Variants in DLC1 observed in about 807,000 individuals in gnomAD.
The protein encoded by DLC1 is rho GTPase-activating protein 7.
Under a neutral mutation model 140.3 loss-of-function variants are expected in DLC1, and 54 were observed. The observed-to-expected ratio is 0.38, with a 90% CI of 0.31 to 0.48. DLC1 has a LOEUF of 0.48. Ranked by LOEUF, DLC1 falls within the 20% of genes least tolerant of loss-of-function variation. DLC1 has a pLI of 0.96. For missense variants in DLC1, 2,536 were observed against 1,907.0 expected (o/e 1.33, Z -6.14); for synonymous variants, 986 against 728.1 (o/e 1.35, Z -5.70).
At position 13,564,570 on chromosome 8, in the gene DLC1, A is replaced by G. The variant is rs140576129; in HGVS notation, c.-126+39967T>C. 3.9e-3 allele frequency among the ~76,000 whole-genome samples: 595 copies of G among 152,290 alleles called. 2 individuals are homozygous for G. The highest frequency in any genetic ancestry group is 6.7e-3 in the Non-Finnish European group (455 of 68,024). ...AGGAAGAGGTACCTGCCAAATGCCA[A>G]CTCATCATGGAAACGTTTATGATAT... On this transcript the variant is annotated intron_variant, in intron 1 of 1. Transcript: ENST00000631382.
intron 1 of DLC1, among the ~76,000 whole-genome samples, chr8:13,552,245 C>T (rs1179204650): frequency 1.4e-5 from 2 of 144,540 alleles, no homozygotes; most frequent in African/African-American, 2.5e-5. Flanking sequence ...ATATATACCC[C>T]CATACCTGTC....
chr8:13,337,395 CA>C (rs1270407992), intron 4 of DLC1, among the ~76,000 whole-genome samples: 6 of 151,984 alleles, frequency 3.9e-5, no homozygotes, highest in Non-Finnish European at 4.4e-5. Context: ...CTAATTGCTA[CA>C]AAAAAATAAT....
At chr8:13,449,280 T>C (rs1642341052) in intron 2 of DLC1, among the ~76,000 whole-genome samples, 1 of 152,156 alleles carries the variant, frequency 6.6e-6, no homozygotes, top group Non-Finnish European at 1.5e-5. Flanking sequence ...ATAGAGTTGA[T>C]ATAATAGAGA....
intron 1 of DLC1, among the ~76,000 whole-genome samples, chr8:13,542,650 G>A (rs763193300): frequency 1.3e-5 from 2 of 151,996 alleles, no homozygotes; most frequent in African/African-American, 2.4e-5. Flanking sequence ...CATTTATTTA[G>A]ATCTTTTTAA....
chr8:13,199,968 T>C (rs1387867540), intron 5 of DLC1, among the ~76,000 whole-genome samples: 1 of 152,218 alleles, frequency 6.6e-6, no homozygotes, highest in East Asian at 1.9e-4. Flanking sequence ...GTATTTATAG[T>C]ATGCTAGGCA....
intron 5 of DLC1, among the ~76,000 whole-genome samples, chr8:13,155,528 A>T (rs1226705174): frequency 6.6e-6 from 1 of 152,152 alleles, no homozygotes; most frequent in Admixed American, 6.5e-5. Context: ...TCAGTGCCTC[A>T]GGAAGTTAAT....
chr8:13,356,564 C>G (rs1409864201), intron 4 of DLC1, among the ~76,000 whole-genome samples: 6 of 152,186 alleles, frequency 3.9e-5, no homozygotes, highest in Admixed American at 6.5e-5. Context: ...CTTTCTGTCT[C>G]CTTAGAATTT....
At chr8:13,514,230 G>T (rs1466107172) in intron 1 of DLC1, among the ~76,000 whole-genome samples, 1 of 152,070 alleles carries the variant, frequency 6.6e-6, no homozygotes, top group African/African-American at 2.4e-5. Context: ...GGAAGGTAGG[G>T]GAGGAATTCA....
chr8:13,188,799 GTGTA>G (rs1377123666), intron 5 of DLC1, among the ~76,000 whole-genome samples: 14 of 79,548 alleles, frequency 1.8e-4, no homozygotes, highest in Non-Finnish European at 3.3e-4. Context: ...GTGTGTGTGT[GTGTA>G]TATATATATA....
intron 1 of DLC1, among the ~76,000 whole-genome samples, chr8:13,540,730 C>T (rs1279520505): frequency 1.3e-5 from 2 of 152,132 alleles, no homozygotes; most frequent in African/African-American, 2.4e-5. Context: ...GAGAAAAACC[C>T]CAACCAGTTG....
chr8:13,430,931 T>G (rs919476720), intron 2 of DLC1, among the ~76,000 whole-genome samples: 1 of 152,312 alleles, frequency 6.6e-6, no homozygotes. Context: ...TAACATGGCA[T>G]GTATGGCTAA....
intron 5 of DLC1, among the ~76,000 whole-genome samples, chr8:13,254,965 T>TC (rs1247085369): frequency 1.7e-5 from 2 of 115,318 alleles, no homozygotes; most frequent in African/African-American, 6.2e-5. Context: ...TTTAAAGTAC[T>TC]CTTTTTTTTT....
chr8:13,437,530 T>G (rs1452414964), intron 2 of DLC1, among the ~76,000 whole-genome samples: 2 of 152,238 alleles, frequency 1.3e-5, no homozygotes, highest in Non-Finnish European at 2.9e-5. Flanking sequence ...ATTAATTCTA[T>G]GTTTATGTCT....
intron 4 of DLC1, among the ~76,000 whole-genome samples, chr8:13,355,331 T>G (rs1671432): frequency 6.6e-6 from 1 of 152,200 alleles, no homozygotes. Flanking sequence ...ACTAAAAATA[T>G]AAACAAATTA....
rs1202395136 is a variant in DLC1 at position 13,110,842 on chromosome 8, G to A, written c.1421-19C>T. Reference sequence around the variant, plus strand: ...AGGAAATCTATGAGAAAAATAAACAGATGTATTTGTTGAGCGCCTAAAACC... The same window carrying A: ...AGGAAATCTATGAGAAAAATAAACAAATGTATTTGTTGAGCGCCTAAAACC... On this transcript the variant is annotated intron_variant, in intron 6 of 17. Transcript: ENST00000276297. 6.2e-7 allele frequency: 1 copy of A among 1,611,952 alleles called. No homozygotes were observed. Among genetic ancestry groups the A allele is most frequent in the Non-Finnish European group, 8.5e-7 (1 of 1,178,578 alleles).
chr8:13,474,551 C>G (rs537385723), intron 2 of DLC1, among the ~76,000 whole-genome samples: 17 of 152,296 alleles, frequency 1.1e-4, no homozygotes, highest in African/African-American at 3.6e-4. Flanking sequence ...CAACTTGCAT[C>G]GTGTGCCTGG....
chr8:13,345,795 G>C (rs1197535406), intron 4 of DLC1, among the ~76,000 whole-genome samples: 1 of 152,052 alleles, frequency 6.6e-6, no homozygotes, highest in Non-Finnish European at 1.5e-5. Context: ...CTGACCTGAA[G>C]TGATCCACTC....
intron 4 of DLC1, among the ~76,000 whole-genome samples, chr8:13,365,888 A>G (rs756395646): frequency 1.3e-4 from 20 of 152,188 alleles, no homozygotes; most frequent in East Asian, 1.2e-3. Context: ...GTGACCCAAG[A>G]TATTCATTTC....
intron 1 of DLC1, 60 bp from the exon 2 acceptor site, chr8:13,500,256 C>G (rs1295940576): frequency 3.8e-6 from 2 of 528,372 alleles, no homozygotes; most frequent in Middle Eastern, 5.0e-4. Context: ...CAAAATATAT[C>G]TTAGAAAAGA....
Sources: allele counts gnomAD v4.1 joint callset (sites outside exome capture counted in the v4.1 genomes callset), GRCh38; gene constraint gnomAD v4.1.1; transcripts MANE v1.5; gene names NCBI Gene and HGNC (gene_info 2026-07-23, HGNC 2026-07-21).